The following KALRN variants were observed in gnomAD, a reference collection of about 807,000 sequenced individuals.
KALRN encodes kalirin.
A neutral mutation model predicts 353.7 loss-of-function variants in KALRN; 70 were observed. That is an observed-to-expected ratio of 0.20 (90% CI 0.16 to 0.24). The LOEUF (loss-of-function observed/expected upper bound fraction) is 0.24, where lower values mean the gene tolerates loss of function less well. Among genes scored for constraint, KALRN ranks in the 10% least tolerant of loss-of-function variants. The pLI, the probability that KALRN is intolerant of heterozygous loss-of-function variation, is 1.00. For synonymous variants in KALRN, 1,391 were observed against 1,434.8 expected, an observed-to-expected ratio of 0.97 and a Z score of 0.69; for missense variants, 2,791 against 3,756.7, an observed-to-expected ratio of 0.74 and a Z score of 6.72.
chr3:124,242,813 C>A (rs1170945162), intron 3 of KALRN, among the ~76,000 whole-genome samples: 2 of 151,972 alleles, frequency 1.3e-5, no homozygotes, highest in Admixed American at 6.5e-5. Flanking sequence ...GTGTTGGGGT[C>A]CTTCACAGTT....
chr3:124,156,930 T>A (rs1188274527), intron 1 of KALRN, among the ~76,000 whole-genome samples: 1 of 152,236 alleles, frequency 6.6e-6, no homozygotes, highest in Non-Finnish European at 1.5e-5. Context: ...GTACACAGAA[T>A]GGCTATTTTA....
intron 8 of KALRN, among the ~76,000 whole-genome samples, chr3:124,333,646 G>C (rs1240426959): frequency 6.6e-6 from 1 of 152,158 alleles, no homozygotes; most frequent in Non-Finnish European, 1.5e-5. Context: ...CAAGCACTTT[G>C]GGAGGCTGAG....
At chr3:124,518,797 C>T (rs1435514407) in intron 33 of KALRN, 1 of 1,232,584 alleles carries the variant, frequency 8.1e-7, no homozygotes. Flanking sequence ...CAGGTACGCC[C>T]AGGCTCCTGC....
intron 19 of KALRN, 58 bp from the exon 20 acceptor site, chr3:124,446,103 G>T (rs1210035303): frequency 1.8e-6 from 2 of 1,125,442 alleles, no homozygotes; most frequent in African/African-American, 3.1e-5. Flanking sequence ...GGGCTGAAGG[G>T]GTTGGTTGGA....
chr3:124,286,088 T>TTTCC (rs2075826375), intron 5 of KALRN, among the ~76,000 whole-genome samples: 1 of 134,944 alleles, frequency 7.4e-6, no homozygotes, highest in African/African-American at 2.9e-5. Flanking sequence ...CCTTCCTTTC[T>TTTCC]TTCTTTCTTT....
In KALRN at chr3:124,174,062, C is replaced by A. The variant is rs537342402; in HGVS notation, c.74-53928C>A. Among the ~76,000 whole-genome samples the A allele has an allele frequency of 2.6e-4, 40 of 152,254 alleles. 1 individual carries two copies. The South Asian group carries it at 8.3e-3, about 32-fold the overall frequency. ...TATTGTTACCATGACATACAAAATGCCCCACTATTTATCATTATCAAAAAA... is the reference window on the plus strand; with the variant it reads ...TATTGTTACCATGACATACAAAATGACCCACTATTTATCATTATCAAAAAA... On this transcript the variant is annotated intron_variant, in intron 1 of 59. Transcript: ENST00000682506.
intron 1 of KALRN, among the ~76,000 whole-genome samples, chr3:124,220,454 C>A (rs1162431960): frequency 6.6e-6 from 1 of 151,748 alleles, no homozygotes; most frequent in Non-Finnish European, 1.5e-5. Flanking sequence ...TGCTCTTACC[C>A]CTTTACCTTA....
intron 3 of KALRN, among the ~76,000 whole-genome samples, chr3:124,250,065 G>C (rs778361808): frequency 6.6e-6 from 1 of 152,180 alleles, no homozygotes; most frequent in Middle Eastern, 3.2e-3. Flanking sequence ...TGGCCTGGGG[G>C]GGGTGGCTTT....
chr3:124,308,984 G>A (rs986034814), intron 6 of KALRN, among the ~76,000 whole-genome samples: 18 of 151,848 alleles, frequency 1.2e-4, no homozygotes, highest in African/African-American at 3.6e-4. Context: ...CTTACCTTAC[G>A]AGAAAATAGT....
chr3:124,402,841 C>A (rs1423343763), intron 13 of KALRN, among the ~76,000 whole-genome samples: 1 of 152,048 alleles, frequency 6.6e-6, no homozygotes, highest in Non-Finnish European at 1.5e-5. Flanking sequence ...TGCCTGGTTT[C>A]TTGAGAGATC....
chr3:124,635,852 G>C (rs754967351), intron 36 of KALRN, among the ~76,000 whole-genome samples: 1 of 151,970 alleles, frequency 6.6e-6, no homozygotes, highest in Non-Finnish European at 1.5e-5. Context: ...CTTATTTGCT[G>C]TTCCATAATG....
At position 124,442,005 on chromosome 3, in the gene KALRN, G is replaced by C; in HGVS notation, c.3259G>C (p.Val1087Leu). Reference sequence around the variant, plus strand: ...TCTCAAGTACATCCACAGGAACAACGTCAGCATGCCCAGTGTCGCCAGCCA... The same window carrying C: ...TCTCAAGTACATCCACAGGAACAACCTCAGCATGCCCAGTGTCGCCAGCCA... ...VFLKYIHRNN[V>L]SMPSVASHTR... is the part of the protein sequence containing the mutation. Residue 1087 changes from valine (V) to leucine (L), a missense_variant, in exon 19 of 60, where the codon GTC (valine) becomes CTC (leucine). Val to Leu is a conservative substitution (Grantham distance 32, BLOSUM62 1). Coordinates refer to ENST00000682506, the MANE Select transcript of KALRN (RefSeq NM_001388419.1). 6.2e-7 allele frequency: 1 copy of C among 1,607,778 alleles called. No homozygotes were observed. Among genetic ancestry groups the C allele is most frequent in the Non-Finnish European group, 8.5e-7 (1 of 1,175,284 alleles).
chr3:124,435,383 A>G (rs893596992), intron 17 of KALRN, among the ~76,000 whole-genome samples: 2 of 152,250 alleles, frequency 1.3e-5, no homozygotes, highest in African/African-American at 2.4e-5. Context: ...CAGTAGGGCC[A>G]TAACGATGCA....
intron 10 of KALRN, among the ~76,000 whole-genome samples, chr3:124,367,588 A>G (rs9812734): frequency 0.15 from 3,369 of 22,578 alleles, 193 homozygotes; most frequent in East Asian, 0.31. Flanking sequence ...AGGGGTGGCC[A>G]GGCAGAGGCG....
rs186685703 is a variant in KALRN at position 124,526,720 on chromosome 3, C to T, written c.4935+30307C>T. Among the ~76,000 whole-genome samples, 16 of 152,148 alleles carry T rather than the reference C, an allele frequency of 1.1e-4. No individual in the cohort carries two copies. The East Asian group carries it at 3.1e-3, about 29-fold the overall frequency. On this transcript the variant is annotated intron_variant, in intron 33 of 59. Coordinates refer to ENST00000682506, the MANE Select transcript of KALRN (RefSeq NM_001388419.1). Reference sequence around the variant, plus strand: ...GAGAAGGGCTATAAAGGGTTATGTCCAAAATAGTATAATGATTGGGATTCT... The same window carrying T: ...GAGAAGGGCTATAAAGGGTTATGTCTAAAATAGTATAATGATTGGGATTCT...
intron 34 of KALRN, among the ~76,000 whole-genome samples, chr3:124,611,156 T>C (rs1484387367): frequency 1.3e-5 from 2 of 152,220 alleles, no homozygotes; most frequent in Non-Finnish European, 2.9e-5. Context: ...GGGAAGGCTG[T>C]GCTGATAAGG....
rs114314709 is a variant in KALRN at position 124,294,863 on chromosome 3, A to G, written c.970-3928A>G. Among the ~76,000 whole-genome samples the G allele has an allele frequency of 6.7e-3, 1,017 of 152,310 alleles. 12 individuals are homozygous for G. The highest frequency in any genetic ancestry group is 0.023 in the African/African-American group (944 of 41,562). On this transcript the variant is annotated intron_variant, in intron 5 of 59. Coordinates refer to ENST00000682506, the MANE Select transcript of KALRN (RefSeq NM_001388419.1). ...TATACATTTCCAAATTGTGCGTATT[A>G]TAAACCAGGATGCTTGCCTCCATTC...
At chr3:124,351,178 G>C (rs928825875) in intron 10 of KALRN, among the ~76,000 whole-genome samples, 2 of 152,134 alleles carry the variant, frequency 1.3e-5, no homozygotes, top group Non-Finnish European at 2.9e-5. Context: ...TTAGATGATG[G>C]CCACTGGGAG....
At chr3:124,690,857 A>G (rs1268885885) in intron 51 of KALRN, among the ~76,000 whole-genome samples, 2 of 152,230 alleles carry the variant, frequency 1.3e-5, no homozygotes, top group Non-Finnish European at 2.9e-5. Flanking sequence ...GCCCAAACAA[A>G]AGCAAATATT....
Sources: gnomAD v4.1 joint callset for allele counts (sites outside exome capture counted in the v4.1 genomes callset) on GRCh38, gnomAD v4.1.1 for gene constraint, MANE v1.5 for transcripts, NCBI Gene and HGNC (gene_info 2026-07-23, HGNC 2026-07-21) for gene names.